KAZN: variants seen among roughly 807,000 people sequenced by gnomAD.
KAZN encodes kazrin, periplakin interacting protein.
A neutral mutation model predicts 87.4 loss-of-function variants in KAZN; 40 were observed. The observed-to-expected ratio is 0.46, with a 90% confidence interval of 0.36 to 0.60. The LOEUF is 0.60. Among genes scored for constraint, KAZN ranks in the 20% least tolerant of loss-of-function variants. The pLI is 0.00. For synonymous variants in KAZN, 466 were observed against 458.3 expected, an observed-to-expected ratio of 1.02 and a Z score of -0.22; for missense variants, 898 against 1,073.9, an observed-to-expected ratio of 0.84 and a Z score of 2.29.
chr1:14,005,915 G>A (rs1182127962), intron 1 of KAZN, among the ~76,000 whole-genome samples: 1 of 152,146 alleles, frequency 6.6e-6, no homozygotes, highest in African/African-American at 2.4e-5. Context: ...ATTCCCACTA[G>A]GAGAAAGCTT....
chr1:14,589,331 TAAAA>T (rs33992055), intron 2 of KAZN, among the ~76,000 whole-genome samples: 2 of 146,774 alleles, frequency 1.4e-5, no homozygotes, highest in African/African-American at 2.5e-5. Context: ...ACAAGGCAGG[TAAAA>T]AAAAAAAAAA....
At chr1:14,844,880 G>A (rs1397232737) in intron 1 of KAZN, among the ~76,000 whole-genome samples, 2 of 151,968 alleles carry the variant, frequency 1.3e-5, no homozygotes, top group Non-Finnish European at 2.9e-5. Context: ...GGTGGTGAAT[G>A]GGTGCATAGG....
intron 1 of KAZN, among the ~76,000 whole-genome samples, chr1:14,695,058 T>A (rs1330158307): frequency 6.6e-6 from 1 of 152,192 alleles, no homozygotes; most frequent in Non-Finnish European, 1.5e-5. Flanking sequence ...AAGATGAAGC[T>A]TAATTGGATC....
rs968476547 is a variant in KAZN at position 15,034,938 on chromosome 1, C to A, written c.555+53C>A. On this transcript the variant is annotated intron_variant, in intron 3 of 14. Coordinates refer to ENST00000376030, the MANE Select transcript of KAZN (RefSeq NM_201628.3). The stretch of plus-strand genomic sequence containing the variant: ...CCTCCCGACACACCAGCTCCCACCT[C>A]CCCTGCTGGCTGGCCACCTTCACAG... 5.6e-5 allele frequency: 90 copies of A among 1,596,990 alleles called. No individual in the cohort carries two copies. In the Middle Eastern group the frequency reaches 8.1e-4, roughly 14 times the overall value.
intron 2 of KAZN, among the ~76,000 whole-genome samples, chr1:14,411,832 TAAAAAGAAA>T (rs1557700144): frequency 9.0e-4 from 137 of 152,282 alleles, no homozygotes; most frequent in African/African-American, 3.2e-3. Context: ...ACACGTAACA[TAAAAAGAAA>T]GTCTATGAGT....
chr1:14,790,430 A>G (rs79109193), intron 1 of KAZN, among the ~76,000 whole-genome samples: 8,306 of 152,266 alleles, frequency 0.055, 289 homozygotes, highest in South Asian at 0.075. Context: ...TTCACATACC[A>G]TAAGATATAA....
chr1:14,982,133 G>A (rs1557683635), intron 2 of KAZN, among the ~76,000 whole-genome samples: 1 of 152,182 alleles, frequency 6.6e-6, no homozygotes, highest in Non-Finnish European at 1.5e-5. Flanking sequence ...CGACTTTACA[G>A]TTGAGGTCAC....
At chr1:14,833,574 C>A (rs963515) in intron 1 of KAZN, among the ~76,000 whole-genome samples, 4 of 151,778 alleles carry the variant, frequency 2.6e-5, no homozygotes, top group African/African-American at 4.9e-5. Flanking sequence ...GTCCTCTACC[C>A]CCCCCAGGCC....
intron 1 of KAZN, among the ~76,000 whole-genome samples, chr1:14,697,643 T>C (rs1641691942): frequency 6.6e-6 from 1 of 152,212 alleles, no homozygotes; most frequent in Non-Finnish European, 1.5e-5. Context: ...CCCACCCCTT[T>C]AATTTAGTGA....
intron 2 of KAZN, among the ~76,000 whole-genome samples, chr1:14,269,457 A>T (rs1395689178): frequency 1.3e-5 from 2 of 152,146 alleles, no homozygotes; most frequent in Non-Finnish European, 2.9e-5. Context: ...TTGGTAATGG[A>T]AAGAACAGAA....
At chr1:14,538,806 T>C (rs957765942) in intron 2 of KAZN, among the ~76,000 whole-genome samples, 1 of 152,188 alleles carries the variant, frequency 6.6e-6, no homozygotes, top group African/African-American at 2.4e-5. Flanking sequence ...TAGTCCTCCT[T>C]CTTACTTAAC....
chr1:15,043,076 C>T (rs1348160773), intron 3 of KAZN, among the ~76,000 whole-genome samples: 1 of 152,200 alleles, frequency 6.6e-6, no homozygotes, highest in Non-Finnish European at 1.5e-5. Context: ...TCACAGAAAA[C>T]AGCTCATGCA....
chr1:14,357,132 T>C (rs1557660025), intron 2 of KAZN, among the ~76,000 whole-genome samples: 1 of 152,194 alleles, frequency 6.6e-6, no homozygotes. Context: ...CTTGAAGAAG[T>C]CCTTCACATC....
At chr1:14,519,744 G>T (rs1671485533) in intron 2 of KAZN, among the ~76,000 whole-genome samples, 1 of 152,138 alleles carries the variant, frequency 6.6e-6, no homozygotes, top group Non-Finnish European at 1.5e-5. Context: ...AGAGACTTTG[G>T]GGGATTCCAG....
At chr1:14,121,710 A>T (rs765939206) in intron 1 of KAZN, among the ~76,000 whole-genome samples, 2 of 152,246 alleles carry the variant, frequency 1.3e-5, no homozygotes, top group Non-Finnish European at 2.9e-5. Context: ...GAATAAAAAT[A>T]GCAAATAATG....
chr1:15,083,277 G>C (rs554013880), intron 8 of KAZN, among the ~76,000 whole-genome samples: 2 of 152,184 alleles, frequency 1.3e-5, no homozygotes, highest in Admixed American at 6.5e-5. Context: ...GTGGAGGGGG[G>C]ACTGTTTCAG....
chr1:15,059,248 C>A (rs1638572472), intron 5 of KAZN, among the ~76,000 whole-genome samples: 1 of 152,086 alleles, frequency 6.6e-6, no homozygotes, highest in South Asian at 2.1e-4. Context: ...AAAGCAAGCA[C>A]TTTGATAAGA....
intron 2 of KAZN, among the ~76,000 whole-genome samples, chr1:14,412,194 G>C (rs947781651): frequency 6.6e-6 from 1 of 151,982 alleles, no homozygotes; most frequent in African/African-American, 2.4e-5. Context: ...AATGCATCAG[G>C]GCATAAATCT....
At chr1:14,025,126 G>A (rs944408442) in intron 1 of KAZN, among the ~76,000 whole-genome samples, 1 of 152,202 alleles carries the variant, frequency 6.6e-6, no homozygotes, top group Non-Finnish European at 1.5e-5. Flanking sequence ...TCACTGGTTA[G>A]TTGGCCCATA....
Sources: gnomAD v4.1 joint callset for allele counts (sites outside exome capture counted in the v4.1 genomes callset) on GRCh38, gnomAD v4.1.1 for gene constraint, MANE v1.5 for transcripts, NCBI Gene and HGNC (gene_info 2026-07-23, HGNC 2026-07-21) for gene names.